Variants in CD200R1 observed in about 807,000 individuals in gnomAD.
CD200R1 encodes cell surface glycoprotein CD200 receptor 1.
A neutral mutation model predicts 38.1 loss-of-function variants in CD200R1; 30 were observed. The ratio of observed to expected loss-of-function variants is 0.79; its 90% confidence interval spans 0.59 to 1.07. The LOEUF (loss-of-function observed/expected upper bound fraction) is 1.07. Among genes scored for constraint, CD200R1 ranks in the 50% least tolerant of loss-of-function variants. The pLI is 0.00. For missense variants in CD200R1, 372 were observed against 415.4 expected (o/e 0.90, Z 0.91); for synonymous variants, 128 against 152.1 (o/e 0.84, Z 1.16).
intron 2 of CD200R1, among the ~76,000 whole-genome samples, chr3:112,932,435 C>T (rs2107307915): frequency 6.6e-6 from 1 of 152,206 alleles, no homozygotes; most frequent in African/African-American, 2.4e-5. Flanking sequence ...GGGAGAGGAC[C>T]CAGCAGCTGA....
At position 112,923,443 on chromosome 3, in the gene CD200R1, G is replaced by A. The variant is rs1009173838; in HGVS notation, c.*234C>T. On this transcript the variant is annotated 3_prime_UTR_variant, in exon 8 of 8. Coordinates refer to ENST00000308611, the MANE Select transcript of CD200R1 (RefSeq NM_138806.4). ...TGCACAATTTGAATATTTGGTCATG[G>A]GCATGTATTTTCTTTGTAATAACAT... 1 of 308,432 alleles carries A rather than the reference G, an allele frequency of 3.2e-6. No individual in the cohort carries two copies. Among genetic ancestry groups the A allele is most frequent in the Non-Finnish European group, 5.9e-6 (1 of 169,004 alleles). 19.1% of individuals were successfully genotyped at this position (308,432 alleles called of 1,614,324 possible). A position where few individuals can be genotyped will look rare whatever the true frequency, so the allele number is the denominator to read the frequency against.
chr3:112,933,360 C>T (rs1232022747), intron 2 of CD200R1, among the ~76,000 whole-genome samples: 1 of 152,168 alleles, frequency 6.6e-6, no homozygotes, highest in African/African-American at 2.4e-5. Context: ...ACACAAGCAC[C>T]CATAACCTGA....
In CD200R1 at chr3:112,925,107, A is replaced by G. The variant is rs1179999217; in HGVS notation, c.856T>C (p.Leu286=). 2 of 1,596,062 alleles carry G rather than the reference A, an allele frequency of 1.3e-6. No homozygotes were observed. Among genetic ancestry groups the G allele is most frequent in the Non-Finnish European group, 8.6e-7 (1 of 1,164,574 alleles). ...IILTIVGFIW[L]LKVNGCRKYK... ...TACCTGCAGCCATTGACTTTCAACA[A>G]CCAAATGAATCCCACGATGGTCAAA... The change falls in exon 6 of 8, where the codon TTG becomes CTG. Residue 286 remains leucine, a synonymous_variant. Coordinates refer to ENST00000308611, the MANE Select transcript of CD200R1 (RefSeq NM_138806.4).
intron 2 of CD200R1, among the ~76,000 whole-genome samples, chr3:112,946,913 C>T (rs1194192139): frequency 6.6e-6 from 1 of 151,242 alleles, no homozygotes; most frequent in Non-Finnish European, 1.5e-5. Context: ...AATGAATAAA[C>T]TGTGGTATAG....
At chr3:112,936,949 G>A (rs879275670) in intron 2 of CD200R1, among the ~76,000 whole-genome samples, 5 of 152,052 alleles carry the variant, frequency 3.3e-5, no homozygotes, top group African/African-American at 4.8e-5. Context: ...GGGGTTTTAC[G>A]TTTAAGTCTT....
chr3:112,964,000 G>A (rs1017476548), intron 1 of CD200R1, among the ~76,000 whole-genome samples: 1 of 152,210 alleles, frequency 6.6e-6, no homozygotes, highest in African/African-American at 2.4e-5. Context: ...TCAGGCCATG[G>A]CTTCAGAGGG....
At chr3:112,956,255 T>G (rs1415004421) in intron 1 of CD200R1, among the ~76,000 whole-genome samples, 1 of 152,144 alleles carries the variant, frequency 6.6e-6, no homozygotes, top group East Asian at 1.9e-4. Flanking sequence ...TGTTTCAAGT[T>G]CACAGATTCT....
intron 5 of CD200R1, 22 bp downstream of exon 5, chr3:112,928,794 T>C (rs1940340014): frequency 1.9e-6 from 3 of 1,546,476 alleles, no homozygotes; most frequent in Non-Finnish European, 2.6e-6. Context: ...AAATAAAAAA[T>C]AAAACTAAAA....
In CD200R1 at chr3:112,923,142, C is replaced by T. The variant is rs1180740688; in HGVS notation, c.*535G>A. 6.6e-6 allele frequency: 1 copy of T among 151,778 alleles called. No homozygotes were observed. The highest frequency in any genetic ancestry group is 1.5e-5 in the Non-Finnish European group (1 of 67,836). The allele number at this position is 151,778 out of a possible 1,614,324, so 9.4% of individuals were successfully genotyped here. On this transcript the variant is annotated 3_prime_UTR_variant, in exon 8 of 8. Coordinates refer to ENST00000308611, the MANE Select transcript of CD200R1 (RefSeq NM_138806.4). ...ATAACCATTAAAAAGAATGAGGTAG[C>T]TCTACTTGTCATGATATAAAATGAT...
intron 1 of CD200R1, among the ~76,000 whole-genome samples, chr3:112,960,842 T>C (rs570036218): frequency 2.7e-5 from 4 of 146,876 alleles, no homozygotes; most frequent in South Asian, 4.4e-4. Context: ...AAATGCAATA[T>C]ATATTTTATG....
In CD200R1 at chr3:112,975,020, C is replaced by G; in HGVS notation, c.-163G>C. The stretch of plus-strand genomic sequence containing the variant: ...CCCTTCCTTCTAGCCCCTTCCTTCA[C>G]GTCTATGTGGTTTAGCCTGGTTAGT... On this transcript the variant is annotated 5_prime_UTR_variant, in exon 1 of 8. Coordinates refer to ENST00000308611, the MANE Select transcript of CD200R1 (RefSeq NM_138806.4). 1 of 618,418 alleles carries G rather than the reference C, an allele frequency of 1.6e-6. No individual in the cohort carries two copies. Among genetic ancestry groups the G allele is most frequent in the East Asian group, 2.7e-5 (1 of 36,570 alleles). The allele number at this position is 618,418 out of a possible 1,614,324, so 38.3% of individuals were successfully genotyped here. A position where few individuals can be genotyped will look rare whatever the true frequency, so the allele number is the denominator to read the frequency against.
rs937418180 is a variant in CD200R1, at chr3:112,944,955, C to T, written c.136+2901G>A. ...AACAAGTGGAATTTGAAGTTAAAAA[C>T]ACAATACCATTTATATTAGCATCCC... On this transcript the variant is annotated intron_variant, in intron 2 of 7. Coordinates refer to ENST00000308611, the MANE Select transcript of CD200R1 (RefSeq NM_138806.4). Among the ~76,000 whole-genome samples the T allele has an allele frequency of 3.9e-5, 6 of 152,228 alleles. No homozygotes were observed. In the East Asian group the frequency reaches 1.2e-3, roughly 29 times the overall value.
intron 1 of CD200R1, among the ~76,000 whole-genome samples, chr3:112,956,574 A>C (rs1193484999): frequency 6.6e-6 from 1 of 152,010 alleles, no homozygotes; most frequent in Non-Finnish European, 1.5e-5. Context: ...TGTTTCCCTG[A>C]TGGTTCTTGA....
intron 1 of CD200R1, among the ~76,000 whole-genome samples, chr3:112,962,750 G>T (rs1241670364): frequency 6.6e-6 from 1 of 152,170 alleles, no homozygotes; most frequent in Non-Finnish European, 1.5e-5. Context: ...CTGCCAAATT[G>T]CAGTCTCTGA....
intron 2 of CD200R1, among the ~76,000 whole-genome samples, chr3:112,935,510 A>C (rs1559947291): frequency 6.6e-6 from 1 of 152,240 alleles, no homozygotes; most frequent in African/African-American, 2.4e-5. Flanking sequence ...AGAAATTAAG[A>C]AGTTTAAGAA....
At chr3:112,930,619 A>C (rs1197994358) in intron 3 of CD200R1, among the ~76,000 whole-genome samples, 1 of 152,224 alleles carries the variant, frequency 6.6e-6, no homozygotes, top group Non-Finnish European at 1.5e-5. Context: ...ACTCACCTCT[A>C]ACAAAGGTAA....
At chr3:112,936,917 T>C (rs926059367) in intron 2 of CD200R1, among the ~76,000 whole-genome samples, 2 of 152,230 alleles carry the variant, frequency 1.3e-5, no homozygotes, top group African/African-American at 4.8e-5. Context: ...GTCTTGATTT[T>C]CTTCTAGGGT....
At chr3:112,973,775 TAC>T (rs2107352467) in intron 1 of CD200R1, among the ~76,000 whole-genome samples, 1 of 152,302 alleles carries the variant, frequency 6.6e-6, no homozygotes, top group African/African-American at 2.4e-5. Context: ...TAAAACCAAC[TAC>T]ACTCTTCCCT....
chr3:112,959,755 A>G (rs982675687), intron 1 of CD200R1, among the ~76,000 whole-genome samples: 1 of 152,074 alleles, frequency 6.6e-6, no homozygotes, highest in African/African-American at 2.4e-5. Context: ...GTTTCTTTCA[A>G]ACTTTAATAG....
Sources: allele counts gnomAD v4.1 joint callset (sites outside exome capture counted in the v4.1 genomes callset), GRCh38; gene constraint gnomAD v4.1.1; transcripts MANE v1.5; gene names NCBI Gene and HGNC (gene_info 2026-07-23, HGNC 2026-07-21).